TEX2: variants seen among roughly 807,000 people sequenced by gnomAD.
TEX2 encodes the protein testis expressed 2, also known as testis-expressed protein 2.
Under a neutral mutation model 106.9 loss-of-function variants are expected in TEX2, and 53 were observed. That is an observed-to-expected ratio of 0.50 (90% CI 0.40 to 0.62). The LOEUF is 0.62. Ranked by LOEUF, TEX2 falls within the 20% of genes least tolerant of loss-of-function variation. TEX2 has a pLI of 0.00. For synonymous variants in TEX2, 523 were observed against 534.8 expected, an observed-to-expected ratio of 0.98 and a Z score of 0.30; for missense variants, 1,207 against 1,379.0, an observed-to-expected ratio of 0.88 and a Z score of 1.98.
In TEX2 at chr17:64,213,549, C is replaced by G. The variant is rs144990420; in HGVS notation, c.669G>C (p.Thr223=). 5.9e-5 allele frequency: 96 copies of G among 1,613,896 alleles called. No individual in the cohort carries two copies. Among genetic ancestry groups the G allele is most frequent in the Non-Finnish European group, 7.7e-5 (91 of 1,179,996 alleles). Residue 223 remains threonine, a synonymous_variant, in exon 2 of 12, where the codon ACG becomes ACC. Coordinates refer to ENST00000584379, the MANE Select transcript of TEX2 (RefSeq NM_001288732.2). This position sits in a 1 kb window ranked among gnomAD's most constrained non-coding sequence, Gnocchi z 4.4. ...TATCCGACTCCTGCCGGGAAGTGTC[C>G]GTGGACAGAGACTTGACTAATGTCT... ...LMKTLVKSLS[T]DTSRQESDTV...
intron 1 of TEX2, among the ~76,000 whole-genome samples, chr17:64,253,549 T>C (rs1193945556): frequency 6.6e-6 from 1 of 151,886 alleles, no homozygotes; most frequent in Non-Finnish European, 1.5e-5. Context: ...GGCAGGTCAG[T>C]GAGGGGCTGC....
chr17:64,257,533 T>C (rs2034206003), intron 1 of TEX2, among the ~76,000 whole-genome samples: 1 of 152,252 alleles, frequency 6.6e-6, no homozygotes, highest in South Asian at 2.1e-4. Context: ...TTCTGGGTAG[T>C]GTCATGAAAT....
intron 1 of TEX2, among the ~76,000 whole-genome samples, chr17:64,225,284 T>G (rs1443956320): frequency 6.6e-6 from 1 of 151,920 alleles, no homozygotes; most frequent in East Asian, 1.9e-4. Flanking sequence ...AGACACTATC[T>G]CTATTTAAAA....
chr17:64,220,137 G>T (rs1259860290), intron 1 of TEX2, among the ~76,000 whole-genome samples: 1 of 152,078 alleles, frequency 6.6e-6, no homozygotes, highest in Non-Finnish European at 1.5e-5. Context: ...TCTGATAAGG[G>T]GTTAATATCC....
At chr17:64,246,093 A>G (rs2033983140) in intron 1 of TEX2, among the ~76,000 whole-genome samples, 1 of 152,214 alleles carries the variant, frequency 6.6e-6, no homozygotes, top group African/African-American at 2.4e-5. Flanking sequence ...CCTTTCTCCA[A>G]CACCCTTTAA....
In TEX2 at chr17:64,149,178, G is replaced by A. The variant is rs1311739391; in HGVS notation, c.3262-87C>T. 2.1e-5 allele frequency: 31 copies of A among 1,445,266 alleles called. No homozygotes were observed. In the Admixed American group the frequency reaches 5.1e-4, roughly 24 times the overall value. 89.5% of individuals were successfully genotyped at this position (1,445,266 alleles called of 1,614,324 possible). A position where few individuals can be genotyped will look rare whatever the true frequency, so the allele number is the denominator to read the frequency against. On this transcript the variant is annotated intron_variant, in intron 11 of 11. Coordinates refer to ENST00000584379, the MANE Select transcript of TEX2 (RefSeq NM_001288732.2). Reference sequence around the variant, plus strand: ...TTTGTTCTGATAATTTTAGGGCTTAGACTGATTTTTAAAAGTACATATAAA... The same window carrying A: ...TTTGTTCTGATAATTTTAGGGCTTAAACTGATTTTTAAAAGTACATATAAA...
chr17:64,193,147 G>A (rs909759585), intron 4 of TEX2, among the ~76,000 whole-genome samples: 2 of 152,202 alleles, frequency 1.3e-5, no homozygotes, highest in African/African-American at 4.8e-5. Context: ...GTCAGGAAGT[G>A]CAAGGATTCT....
chr17:64,223,481 C>A (rs951649507), intron 1 of TEX2, among the ~76,000 whole-genome samples: 1 of 148,766 alleles, frequency 6.7e-6, no homozygotes, highest in Non-Finnish European at 1.5e-5. Flanking sequence ...GCAGATGGTT[C>A]GTTCCAGGCC....
chr17:64,191,404 C>G (rs911452053), intron 4 of TEX2, among the ~76,000 whole-genome samples: 8 of 152,138 alleles, frequency 5.3e-5, no homozygotes, highest in Non-Finnish European at 1.2e-4. Context: ...CCCCATATAC[C>G]CCCGTGGGTT....
intron 2 of TEX2, among the ~76,000 whole-genome samples, chr17:64,210,634 C>CCTTTTT (rs1360266899): frequency 2.7e-5 from 2 of 74,760 alleles, no homozygotes; most frequent in African/African-American, 1.2e-4. Context: ...CAACCCCCAG[C>CCTTTTT]TTTTTTTTTT....
At chr17:64,219,155 A>G (rs1489672259) in intron 1 of TEX2, among the ~76,000 whole-genome samples, 1 of 152,214 alleles carries the variant, frequency 6.6e-6, no homozygotes, top group Non-Finnish European at 1.5e-5. Context: ...ACTTCAGATA[A>G]TGGAATTATC....
intron 1 of TEX2, among the ~76,000 whole-genome samples, chr17:64,249,195 C>T (rs1323467471): frequency 6.6e-6 from 1 of 152,078 alleles, no homozygotes; most frequent in African/African-American, 2.4e-5. Flanking sequence ...AACAGAAAAA[C>T]ATCGTTCAAA....
chr17:64,158,985 T>C (rs1220907846), intron 8 of TEX2, among the ~76,000 whole-genome samples: 3 of 152,156 alleles, frequency 2.0e-5, no homozygotes, highest in Non-Finnish European at 4.4e-5. Context: ...ATAAGTGAAA[T>C]ATAATACCAT....
chr17:64,235,408 C>T (rs1555635021), intron 1 of TEX2, among the ~76,000 whole-genome samples: 1 of 152,162 alleles, frequency 6.6e-6, no homozygotes, highest in African/African-American at 2.4e-5. Flanking sequence ...GTGTTCCATC[C>T]ACTCAGTACT....
intron 1 of TEX2, among the ~76,000 whole-genome samples, chr17:64,234,432 G>A (rs2033723815): frequency 6.6e-6 from 1 of 152,272 alleles, no homozygotes; most frequent in South Asian, 2.1e-4. Context: ...TCCTCAGAGA[G>A]CACTGTCTGC....
intron 2 of TEX2, among the ~76,000 whole-genome samples, chr17:64,207,267 C>A (rs2032863217): frequency 6.6e-6 from 1 of 152,194 alleles, no homozygotes; most frequent in Non-Finnish European, 1.5e-5. Context: ...TTCAAAACCA[C>A]ATGGTCTCCT....
At chr17:64,256,975 T>C (rs1266161060) in intron 1 of TEX2, among the ~76,000 whole-genome samples, 1 of 152,204 alleles carries the variant, frequency 6.6e-6, no homozygotes, top group Non-Finnish European at 1.5e-5. Flanking sequence ...AAATGAAACT[T>C]ATAAAATGCA....
At chr17:64,235,461 T>C (rs2033747035) in intron 1 of TEX2, among the ~76,000 whole-genome samples, 1 of 152,178 alleles carries the variant, frequency 6.6e-6, no homozygotes, top group South Asian at 2.1e-4. Context: ...TCACCCTATC[T>C]ACCCAGGGGG....
intron 2 of TEX2, among the ~76,000 whole-genome samples, chr17:64,210,339 A>C (rs1265774680): frequency 1.3e-5 from 2 of 152,250 alleles, no homozygotes; most frequent in East Asian, 1.9e-4. Flanking sequence ...AAAAAAGGTC[A>C]GACTGCAAAA....
Sources: allele counts gnomAD v4.1 joint callset (sites outside exome capture counted in the v4.1 genomes callset), GRCh38; gene constraint gnomAD v4.1.1; non-coding constraint Gnocchi (gnomAD v3.1); transcripts MANE v1.5; gene names NCBI Gene and HGNC (gene_info 2026-07-23, HGNC 2026-07-21).